The following UPF1 variants were observed in gnomAD, a reference collection of about 807,000 sequenced individuals.
UPF1 encodes regulator of nonsense transcripts 1.
In UPF1, 9 loss-of-function variants were observed where a neutral mutation model predicts 129.2. That is an observed-to-expected ratio of 0.07 (90% CI 0.04 to 0.12). The LOEUF is 0.12. Ranked by LOEUF, UPF1 falls within the 10% of genes least tolerant of loss-of-function variation. UPF1 has a pLI of 1.00. For missense variants in UPF1, 788 were observed against 1,525.3 expected (o/e 0.52, Z 8.05); for synonymous variants, 649 against 644.9 (o/e 1.01, Z -0.10).
chr19:18,837,455 C>T (rs1161921541), intron 1 of UPF1, among the ~76,000 whole-genome samples: 1 of 152,206 alleles, frequency 6.6e-6, no homozygotes, highest in Admixed American at 6.5e-5. Flanking sequence ...GGTGTGTGTA[C>T]GCAGGGCTGC....
chr19:18,858,445 G>A (rs1003423374), intron 15 of UPF1, among the ~76,000 whole-genome samples: 10 of 152,082 alleles, frequency 6.6e-5, no homozygotes, highest in African/African-American at 2.2e-4. Flanking sequence ...TACTTGACTC[G>A]GTGGGAGATC....
At position 18,860,067 on chromosome 19, in the gene UPF1, T is replaced by C. The variant is rs908413141; in HGVS notation, c.2183-254T>C. 2.3e-5 allele frequency: 11 copies of C among 469,216 alleles called. No homozygotes were observed. In the East Asian group the frequency reaches 3.7e-4, roughly 16 times the overall value. 29.1% of individuals were successfully genotyped at this position (469,216 alleles called of 1,614,324 possible). On this transcript the variant is annotated intron_variant, in intron 15 of 23. Transcript: ENST00000262803. ...TGCAAGAAAGCCCTGGCTGAGACCC[T>C]GTTCCCTGTTCAGGGGCTGAGCCAG...
chr19:18,845,390 C>T (rs961721445), intron 1 of UPF1, among the ~76,000 whole-genome samples: 3 of 152,302 alleles, frequency 2.0e-5, no homozygotes, highest in African/African-American at 7.2e-5. Flanking sequence ...TAGAGCCATG[C>T]GCTGTCTGCC....
Position 18,850,264 on chromosome 19 carries a change from C to T in UPF1, c.629+22C>T, listed in dbSNP as rs1459477309. The T allele has an allele frequency of 6.4e-7, 1 of 1,565,768 alleles. No individual in the cohort carries two copies. The highest frequency in any genetic ancestry group is 8.6e-7 in the Non-Finnish European group (1 of 1,156,350). ...GCAGGTGAGTGGTCCCCAGATGTCT[C>T]CTGGGGGTGACCTTTAAGCTCCAGC... On this transcript the variant is annotated intron_variant, in intron 4 of 23. Transcript: ENST00000262803. This position sits in a 1 kb window ranked among gnomAD's most constrained non-coding sequence, Gnocchi z 7.1.
rs1365104246 is a variant in UPF1 at position 18,865,685 on chromosome 19, C to T, written c.3144C>T (p.Pro1048=). ...CCAGCCAGGATGTGGCGTCACAGCC[C>T]TTCTCTCAGGGCGCCCTGACGCAGG... ...SQASQDVASQ[P]FSQGALTQGY... is the part of the protein sequence containing the mutation. The change falls in exon 22 of 24, where the codon CCC becomes CCT. Residue 1048 remains proline (P), a synonymous_variant. Transcript: ENST00000262803. This position sits in a 1 kb window ranked among gnomAD's most constrained non-coding sequence, Gnocchi z 6.1. 8.7e-6 allele frequency: 14 copies of T among 1,613,778 alleles called. No individual in the cohort carries two copies. The highest frequency in any genetic ancestry group is 1.2e-5 in the Non-Finnish European group (14 of 1,180,048).
At position 18,863,408 on chromosome 19, in the gene UPF1, T is replaced by C. The variant is rs1303609528; in HGVS notation, c.2601-30T>C. The C allele has an allele frequency of 1.9e-6, 3 of 1,602,616 alleles. No homozygotes were observed. The South Asian group carries it at 3.3e-5, about 18-fold the overall frequency. ...CCTGTGAGACGGGCAGCTCTCCACC[T>C]GCGTCCTCAGCACTGCGCCCTTGTT... On this transcript the variant is annotated intron_variant, in intron 18 of 23. Coordinates refer to ENST00000262803, the MANE Select transcript of UPF1 (RefSeq NM_002911.4).
rs372833852 is a variant in UPF1 at position 18,853,207 on chromosome 19, C to T, written c.1058-45C>T. ...TTTGAACTCTCCCTGGTGGAAGCGA[C>T]GGCGTGGGTTAAAATGGCCACCTCT... is the stretch of plus-strand genomic sequence containing the variant. On this transcript the variant is annotated intron_variant, in intron 7 of 23. Coordinates refer to ENST00000262803, the MANE Select transcript of UPF1 (RefSeq NM_002911.4). The surrounding 1 kb of genome is among the most constrained non-coding windows in gnomAD (Gnocchi z 4.4). 1.9e-5 allele frequency: 31 copies of T among 1,598,142 alleles called. No individual in the cohort carries two copies. The highest frequency in any genetic ancestry group is 4.0e-5 in the African/African-American group (3 of 74,382).
In UPF1 at chr19:18,865,918, G is replaced by C. The variant is rs1168356346; in HGVS notation, c.3238-126G>C. ...ACCTGTCCCTGGGCTGGGGTCATCAGAGTGGGTCTCCTGGGTCTTAGTTTG... is the reference window on the plus strand; with the variant it reads ...ACCTGTCCCTGGGCTGGGGTCATCACAGTGGGTCTCCTGGGTCTTAGTTTG... On this transcript the variant is annotated intron_variant, in intron 22 of 23. Transcript: ENST00000262803. This position sits in a 1 kb window ranked among gnomAD's most constrained non-coding sequence, Gnocchi z 6.1. The C allele has an allele frequency of 2.8e-5, 44 of 1,573,190 alleles. No individual in the cohort carries two copies. Among genetic ancestry groups the C allele is most frequent in the Non-Finnish European group, 3.6e-5 (42 of 1,160,048 alleles).
At chr19:18,860,486 T>C in intron 16 of UPF1, 48 bp downstream of exon 16, 1 of 1,577,020 alleles carries the variant, frequency 6.3e-7, no homozygotes, top group Non-Finnish European at 8.7e-7. Flanking sequence ...GGGGACAGCT[T>C]GAGAGGTTGT....
In UPF1 at chr19:18,866,984, G is replaced by A. The variant is rs2055855987; in HGVS notation, c.*467G>A. On this transcript the variant is annotated 3_prime_UTR_variant, in exon 24 of 24. Coordinates refer to ENST00000262803, the MANE Select transcript of UPF1 (RefSeq NM_002911.4). ...GCCCCGGGAGGGCGCGTCTGTCCAC[G>A]CCTACCGGACGCGCCGAGGTCGCGC... 6.6e-6 allele frequency: 1 copy of A among 152,610 alleles called. No homozygotes were observed. The highest frequency in any genetic ancestry group is 1.5e-5 in the Non-Finnish European group (1 of 68,048). The allele number at this position is 152,610 out of a possible 1,614,324, so 9.5% of individuals were successfully genotyped here.
At chr19:18,840,667 C>T (rs2055531634) in intron 1 of UPF1, among the ~76,000 whole-genome samples, 1 of 152,172 alleles carries the variant, frequency 6.6e-6, no homozygotes, top group Admixed American at 6.5e-5. Flanking sequence ...CGGGCCCTGG[C>T]ACCAGTGCTG....
rs2055666998 is a variant in UPF1, at chr19:18,852,230, C to T, written c.906C>T (p.Tyr302=). 8.1e-6 allele frequency: 13 copies of T among 1,613,700 alleles called. No homozygotes were observed. The highest frequency in any genetic ancestry group is 1.7e-5 in the Admixed American group (1 of 59,970). Residue 302 remains tyrosine (Y), a synonymous_variant, in exon 6 of 24, where the codon TAC becomes TAT. Coordinates refer to ENST00000262803, the MANE Select transcript of UPF1 (RefSeq NM_002911.4). ...VLLRYEDAYQ[Y]QNIFGPLVKL... is the part of the protein sequence containing the mutation. ...TGCGGTACGAGGACGCCTACCAGTACCAGAACATATTCGGGCCCCTGGTCA... is the reference window on the plus strand; with the variant it reads ...TGCGGTACGAGGACGCCTACCAGTATCAGAACATATTCGGGCCCCTGGTCA...
chr19:18,832,907 C>T lies in UPF1; in HGVS notation c.231+467C>T, dbSNP rs922243221. On this transcript the variant is annotated intron_variant, in intron 1 of 23. Transcript: ENST00000262803. This position sits in a 1 kb window ranked among gnomAD's most constrained non-coding sequence, Gnocchi z 5.6. Reference sequence around the variant, plus strand: ...TCCATCCGGGCTAGGGTGACCTGCCCTGGTCCCTCTTTCGCAGGTCTCGGT... The same window carrying T: ...TCCATCCGGGCTAGGGTGACCTGCCTTGGTCCCTCTTTCGCAGGTCTCGGT... Among the ~76,000 whole-genome samples the T allele has an allele frequency of 7.9e-5, 12 of 152,180 alleles. No individual in the cohort carries two copies. Among genetic ancestry groups the T allele is most frequent in the Admixed American group, 7.9e-4 (12 of 15,278 alleles).
At chr19:18,840,987 C>T (rs1198004826) in intron 1 of UPF1, among the ~76,000 whole-genome samples, 1 of 152,200 alleles carries the variant, frequency 6.6e-6, no homozygotes, top group Non-Finnish European at 1.5e-5. Flanking sequence ...CAGCTCCTTG[C>T]AGAGCGAGTG....
At chr19:18,839,915 C>T (rs1379037289) in intron 1 of UPF1, among the ~76,000 whole-genome samples, 2 of 152,158 alleles carry the variant, frequency 1.3e-5, no homozygotes, top group East Asian at 1.9e-4. Context: ...GTGGGAATGG[C>T]GCCTCTGGAG....
rs1568277079 is a variant in UPF1, at chr19:18,853,234, T to C, written c.1058-18T>C. On this transcript the variant is annotated intron_variant, in intron 7 of 23. Coordinates refer to ENST00000262803, the MANE Select transcript of UPF1 (RefSeq NM_002911.4). This position sits in a 1 kb window ranked among gnomAD's most constrained non-coding sequence, Gnocchi z 4.4. ...GCGTGGGTTAAAATGGCCACCTCTC[T>C]CACTTTTTTACCTCAAGACATGCGG... 6.2e-7 allele frequency: 1 copy of C among 1,605,774 alleles called. No homozygotes were observed. The highest frequency in any genetic ancestry group is 1.7e-5 in the Admixed American group (1 of 58,812).
chr19:18,861,736 T>C (rs1200488817), intron 17 of UPF1, among the ~76,000 whole-genome samples: 1 of 152,002 alleles, frequency 6.6e-6, no homozygotes, highest in Non-Finnish European at 1.5e-5. Flanking sequence ...GAGACTGAGG[T>C]GGGATCAGCT....
chr19:18,835,524 G>A (rs2145929475), intron 1 of UPF1, among the ~76,000 whole-genome samples: 1 of 152,236 alleles, frequency 6.6e-6, no homozygotes, highest in South Asian at 2.1e-4. Flanking sequence ...TGTATTTTTA[G>A]TAGAGACGGG....
intron 15 of UPF1, among the ~76,000 whole-genome samples, chr19:18,859,120 G>A (rs1017678265): frequency 5.9e-5 from 9 of 152,224 alleles, no homozygotes; most frequent in African/African-American, 2.2e-4. Context: ...CGCATGGCAA[G>A]GCTGAAAACA....
Sources: gnomAD v4.1 joint callset for allele counts (sites outside exome capture counted in the v4.1 genomes callset) on GRCh38, gnomAD v4.1.1 for gene constraint, Gnocchi (gnomAD v3.1) non-coding constraint, MANE v1.5 for transcripts, NCBI Gene and HGNC (gene_info 2026-07-23, HGNC 2026-07-21) for gene names.